The following TDRD7 variants were observed in gnomAD, a reference collection of about 807,000 sequenced individuals.
TDRD7 encodes the protein tudor domain containing 7, also known as tudor domain-containing protein 7.
TDRD7 carries 47 observed loss-of-function variants against 109.8 expected under a neutral mutation model. The observed-to-expected ratio is 0.43, with a 90% CI of 0.34 to 0.55. The LOEUF (loss-of-function observed/expected upper bound fraction) is 0.55. TDRD7 is among the 20% of genes least tolerant of loss of function. The pLI, the probability that TDRD7 is intolerant of heterozygous loss-of-function variation, is 0.03. For missense variants in TDRD7, 1,164 were observed against 1,319.2 expected, an observed-to-expected ratio of 0.88 and a Z score of 1.82; for synonymous variants, 424 against 457.3, an observed-to-expected ratio of 0.93 and a Z score of 0.93.
At position 97,487,211 on chromosome 9, in the gene TDRD7, A is replaced by T; in HGVS notation, c.2955A>T (p.Gly985=). 1 of 1,613,996 alleles carries T rather than the reference A, an allele frequency of 6.2e-7. No homozygotes were observed. The highest frequency in any genetic ancestry group is 8.5e-7 in the Non-Finnish European group (1 of 1,179,916). Reference sequence around the variant, plus strand: ...TTTTAAAAGGAATCCTGACCAATGGACTGGTATCTGTGTATGAGCTGGATT... The same window carrying T: ...TTTTAAAAGGAATCCTGACCAATGGTCTGGTATCTGTGTATGAGCTGGATT... ...RVLLKGILTN[G]LVSVYELDYG... Residue 985 remains glycine (G), a synonymous_variant, in exon 16 of 17, where the codon GGA becomes GGT. Coordinates refer to ENST00000355295, the MANE Select transcript of TDRD7 (RefSeq NM_014290.3).
intron 16 of TDRD7, among the ~76,000 whole-genome samples, chr9:97,494,098 C>G (rs1829352603): frequency 6.6e-6 from 1 of 152,178 alleles, no homozygotes; most frequent in Admixed American, 6.5e-5. Context: ...CATAGGAAAT[C>G]ACAAGGGTAT....
At chr9:97,451,331 T>C (rs112637958) in intron 6 of TDRD7, among the ~76,000 whole-genome samples, 10 of 152,292 alleles carry the variant, frequency 6.6e-5, no homozygotes, top group African/African-American at 2.4e-4. Flanking sequence ...GCTCTGTCCC[T>C]TAGGCTGGAG....
chr9:97,496,028 A>G lies in TDRD7; in HGVS notation c.*145A>G, dbSNP rs1167159330. ...AATATGCTTATGTTTGATGAAAGAT[A>G]TTTAACAAGTTTTGTTTTAACAGAG... On this transcript the variant is annotated 3_prime_UTR_variant, in exon 17 of 17. Coordinates refer to ENST00000355295, the MANE Select transcript of TDRD7 (RefSeq NM_014290.3). The G allele has an allele frequency of 4.3e-6, 3 of 693,706 alleles. No homozygotes were observed. Among genetic ancestry groups the G allele is most frequent in the Non-Finnish European group, 5.0e-6 (2 of 400,282 alleles). The allele number at this position is 693,706 out of a possible 1,614,324, so 43.0% of individuals were successfully genotyped here. A position where few individuals can be genotyped will look rare whatever the true frequency, so the allele number is the denominator to read the frequency against.
rs1829100304 is a variant in TDRD7, at chr9:97,480,628, G to A, written c.2302-200G>A. The A allele has an allele frequency of 6.7e-6, 4 of 594,512 alleles. No individual in the cohort carries two copies. In the Admixed American group the frequency reaches 8.9e-5, roughly 13 times the overall value. 36.8% of individuals were successfully genotyped at this position (594,512 alleles called of 1,614,324 possible). ...GGGGTAAGCCCTGGCTCATAAAGGA[G>A]TAAAGACAATAGTAGTTATATAAAT... On this transcript the variant is annotated intron_variant, in intron 13 of 16. Transcript: ENST00000355295.
At chr9:97,431,133 G>T in intron 3 of TDRD7, 59 bp downstream of exon 3, 2 of 1,599,874 alleles carry the variant, frequency 1.3e-6, no homozygotes, top group South Asian at 2.2e-5. Flanking sequence ...TTATCATAGG[G>T]AATTATGGAA....
chr9:97,478,262 AAAT>A (rs372745991), intron 12 of TDRD7, among the ~76,000 whole-genome samples, 174 bp from the exon 13 acceptor site: 4 of 152,056 alleles, frequency 2.6e-5, no homozygotes, highest in African/African-American at 9.6e-5. Flanking sequence ...CTCTGTCTCA[AAAT>A]AATAATAATA....
intron 1 of TDRD7, among the ~76,000 whole-genome samples, chr9:97,418,131 A>G (rs1318771999): frequency 2.6e-5 from 4 of 152,158 alleles, no homozygotes; most frequent in Non-Finnish European, 4.4e-5. Context: ...TCTGGGGGAA[A>G]AATAAAGGGG....
intron 6 of TDRD7, among the ~76,000 whole-genome samples, chr9:97,445,068 A>G (rs1828376713): frequency 6.6e-6 from 1 of 152,252 alleles, no homozygotes; most frequent in African/African-American, 2.4e-5. Flanking sequence ...GTTATTCACA[A>G]CAATGAGCCA....
chr9:97,495,919 T>A lies in TDRD7; in HGVS notation c.*36T>A. The A allele has an allele frequency of 1.3e-6, 2 of 1,566,110 alleles. No individual in the cohort carries two copies. Among genetic ancestry groups the A allele is most frequent in the Non-Finnish European group, 1.8e-6 (2 of 1,137,354 alleles). On this transcript the variant is annotated 3_prime_UTR_variant, in exon 17 of 17. Transcript: ENST00000355295. Reference sequence around the variant, plus strand: ...TGAAACCTTGACAACTAATTCAGATTTTTTAGCAATAACAAAATGTAGTAG... The same window carrying A: ...TGAAACCTTGACAACTAATTCAGATATTTTAGCAATAACAAAATGTAGTAG...
intron 1 of TDRD7, among the ~76,000 whole-genome samples, chr9:97,414,987 T>C (rs1269105760): frequency 6.6e-6 from 1 of 152,198 alleles, no homozygotes; most frequent in Non-Finnish European, 1.5e-5. Context: ...TATGGGACTT[T>C]AAGTTCCCGC....
chr9:97,489,919 A>G (rs1475740128), intron 16 of TDRD7, among the ~76,000 whole-genome samples: 2 of 152,194 alleles, frequency 1.3e-5, no homozygotes, highest in African/African-American at 2.4e-5. Context: ...TTTCATAGAC[A>G]GTGCAAGTAC....
chr9:97,476,462 TC>T (rs1229820839), intron 12 of TDRD7, among the ~76,000 whole-genome samples: 1 of 151,460 alleles, frequency 6.6e-6, no homozygotes, highest in Non-Finnish European at 1.5e-5. Context: ...ACACCTATAA[TC>T]CCAGCACTTT....
intron 1 of TDRD7, among the ~76,000 whole-genome samples, chr9:97,421,137 A>G (rs553957942): frequency 6.6e-5 from 10 of 150,598 alleles, no homozygotes; most frequent in Non-Finnish European, 1.0e-4. Context: ...TCTGTCTCAA[A>G]AAAAAAAAAA....
intron 4 of TDRD7, among the ~76,000 whole-genome samples, chr9:97,434,546 T>G (rs1290567997): frequency 6.6e-6 from 1 of 152,162 alleles, no homozygotes; most frequent in African/African-American, 2.4e-5. Context: ...GCAGCTTGAT[T>G]TAGCCATTCC....
intron 6 of TDRD7, among the ~76,000 whole-genome samples, chr9:97,452,623 C>T (rs1828519560): frequency 6.6e-6 from 1 of 152,138 alleles, no homozygotes; most frequent in South Asian, 2.1e-4. Context: ...GATTATTTGG[C>T]TATGGTTTGT....
chr9:97,420,162 T>G (rs1168499312), intron 1 of TDRD7, among the ~76,000 whole-genome samples: 2 of 152,124 alleles, frequency 1.3e-5, no homozygotes. Flanking sequence ...AATTGTAGTA[T>G]ACCCATACAG....
chr9:97,421,855 C>G (rs1015890756), intron 1 of TDRD7, among the ~76,000 whole-genome samples: 8 of 151,972 alleles, frequency 5.3e-5, no homozygotes, highest in African/African-American at 1.9e-4. Flanking sequence ...ACCACCGTGC[C>G]CAGCCAATTT....
chr9:97,464,292 G>A (rs1005222173), intron 7 of TDRD7, among the ~76,000 whole-genome samples: 8 of 152,162 alleles, frequency 5.3e-5, no homozygotes, highest in African/African-American at 1.9e-4. Flanking sequence ...CGTTTCCTTT[G>A]TTGTGGGATA....
At chr9:97,466,231 C>T (rs1209561697) in intron 8 of TDRD7, among the ~76,000 whole-genome samples, 1 of 152,096 alleles carries the variant, frequency 6.6e-6, no homozygotes, top group African/African-American at 2.4e-5. Context: ...GTTAGGAGGT[C>T]AGAAAGGGAT....
Sources: gnomAD v4.1 joint callset for allele counts (sites outside exome capture counted in the v4.1 genomes callset) on GRCh38, gnomAD v4.1.1 for gene constraint, MANE v1.5 for transcripts, NCBI Gene and HGNC (gene_info 2026-07-23, HGNC 2026-07-21) for gene names.